DGKB: variants seen among roughly 807,000 people sequenced by gnomAD.
DGKB encodes 90 kDa diacylglycerol kinase.
Under a neutral mutation model 114.3 loss-of-function variants are expected in DGKB, and 67 were observed. That is an observed-to-expected ratio of 0.59 (90% CI 0.48 to 0.72). DGKB has a LOEUF of 0.72. Among genes scored for constraint, DGKB ranks in the 30% least tolerant of loss-of-function variants. The pLI is 0.00. For missense variants in DGKB, 907 were observed against 975.2 expected (o/e 0.93, Z 0.93); for synonymous variants, 398 against 323.1 (o/e 1.23, Z -2.49).
chr7:14,799,754 C>T (rs1167502947), intron 2 of DGKB, among the ~76,000 whole-genome samples: 1 of 152,122 alleles, frequency 6.6e-6, no homozygotes, highest in Non-Finnish European at 1.5e-5. Context: ...TAACAGAAGG[C>T]TTTGCAGCAA....
intron 6 of DGKB, among the ~76,000 whole-genome samples, chr7:14,706,992 C>T (rs913608664): frequency 6.7e-6 from 1 of 149,992 alleles, no homozygotes; most frequent in African/African-American, 2.5e-5. Context: ...GAAATAGAGA[C>T]ACAAAAAACC....
At chr7:14,838,940 TATC>T (rs1374986049) in intron 2 of DGKB, among the ~76,000 whole-genome samples, 3 of 152,164 alleles carry the variant, frequency 2.0e-5, no homozygotes, top group Non-Finnish European at 4.4e-5. Context: ...TTTTTATCCA[TATC>T]ATTTCCTTTG....
chr7:14,218,440 G>A (rs374945221), intron 23 of DGKB, among the ~76,000 whole-genome samples: 5 of 152,068 alleles, frequency 3.3e-5, no homozygotes, highest in African/African-American at 9.7e-5. Flanking sequence ...TGAAAAACTA[G>A]TGAAAACCAC....
intron 20 of DGKB, among the ~76,000 whole-genome samples, chr7:14,561,739 A>G (rs1261612989): frequency 1.3e-5 from 2 of 152,206 alleles, no homozygotes; most frequent in African/African-American, 4.8e-5. Flanking sequence ...ATATCTGAGG[A>G]AAGAAATTTC....
In DGKB at chr7:14,174,164, CG is replaced by C. The variant is rs554366079; in HGVS notation, c.2304+2674del. Among the ~76,000 whole-genome samples the C allele has an allele frequency of 2.6e-5, 4 of 152,128 alleles. No homozygotes were observed. The South Asian group carries it at 8.3e-4, about 32-fold the overall frequency. On this transcript the variant is annotated intron_variant, in intron 25 of 25. Transcript: ENST00000402815. ...CTGGAGGGAGATTTCCAGCATGCAC[CG>C]GGGCCATTTTGTGTTGAGCTTCACA...
At chr7:14,894,191 AT>A (rs1781741057) in intron 1 of DGKB, among the ~76,000 whole-genome samples, 1 of 151,462 alleles carries the variant, frequency 6.6e-6, no homozygotes, top group Non-Finnish European at 1.5e-5. Context: ...AGTTCCTAAA[AT>A]AAAAAACTGT....
intron 21 of DGKB, among the ~76,000 whole-genome samples, chr7:14,385,714 G>A (rs1406947545): frequency 6.6e-6 from 1 of 152,176 alleles, no homozygotes; most frequent in Non-Finnish European, 1.5e-5. Flanking sequence ...GCATTGAAGT[G>A]TAATTAACAA....
At chr7:14,919,105 C>A (rs1014925909) in intron 1 of DGKB, among the ~76,000 whole-genome samples, 1 of 146,652 alleles carries the variant, frequency 6.8e-6, no homozygotes, top group African/African-American at 2.5e-5. Flanking sequence ...AACACACACA[C>A]ACACACACAC....
intron 1 of DGKB, among the ~76,000 whole-genome samples, chr7:14,857,276 G>GTGTGTGTGTA (rs1850316638): frequency 6.6e-6 from 1 of 151,746 alleles, no homozygotes; most frequent in South Asian, 2.1e-4. Flanking sequence ...GTGTGTGTGT[G>GTGTGTGTGTA]TGTTGCTGGC....
chr7:14,683,708 C>G (rs906904442), intron 10 of DGKB, among the ~76,000 whole-genome samples: 18 of 151,940 alleles, frequency 1.2e-4, no homozygotes, highest in African/African-American at 3.6e-4. Flanking sequence ...AAGCAAAAAA[C>G]TAACCACTGC....
intron 2 of DGKB, among the ~76,000 whole-genome samples, chr7:14,821,718 T>C (rs1015088291): frequency 2.6e-5 from 4 of 152,068 alleles, no homozygotes; most frequent in African/African-American, 9.7e-5. Flanking sequence ...GACATCAAGA[T>C]TTTAGGCAGG....
rs781569705 is a variant in DGKB at position 14,265,318 on chromosome 7, C to CTTT, written c.2122+73194_2122+73196dup. 1.2e-3 allele frequency among the ~76,000 whole-genome samples: 78 copies of CTTT among 67,722 alleles called. 11 individuals carry two copies. The East Asian group carries it at 0.03, about 26-fold the overall frequency. 44.4% of individuals were successfully genotyped at this position (67,722 alleles called of 152,430 possible). A position where few individuals can be genotyped will look rare whatever the true frequency, so the allele number is the denominator to read the frequency against. On this transcript the variant is annotated intron_variant, in intron 23 of 25. Coordinates refer to ENST00000402815, the MANE Select transcript of DGKB (RefSeq NM_001350709.2). ...GGACTGCTGTCTTTTCTCTTGCATT[C>CTTT]TTTTTTTTTTTTTTTTTTTTGCTTA... is the stretch of plus-strand genomic sequence containing the variant.
rs191970036 is a variant in DGKB at position 14,603,729 on chromosome 7, C to T, written c.1433+3705G>A. Among the ~76,000 whole-genome samples, 671 of 152,170 alleles carry T rather than the reference C, an allele frequency of 4.4e-3. 4 individuals are homozygous for T. The highest frequency in any genetic ancestry group is 7.9e-3 in the Non-Finnish European group (539 of 67,940). Reference sequence around the variant, plus strand: ...GATTTCTAAGAGCAGCTTTCTCACACACAATTAATTATTCTTAATTATCCT... The same window carrying T: ...GATTTCTAAGAGCAGCTTTCTCACATACAATTAATTATTCTTAATTATCCT... On this transcript the variant is annotated intron_variant, in intron 17 of 25. Transcript: ENST00000402815.
intron 21 of DGKB, among the ~76,000 whole-genome samples, chr7:14,402,147 C>T (rs1583665653): frequency 6.6e-6 from 1 of 151,498 alleles, no homozygotes; most frequent in African/African-American, 2.4e-5. Context: ...TGAGATAGAT[C>T]TATTTCATTT....
chr7:14,332,865 A>G (rs548492335), intron 23 of DGKB, among the ~76,000 whole-genome samples: 2 of 152,252 alleles, frequency 1.3e-5, no homozygotes, highest in South Asian at 4.1e-4. Flanking sequence ...TAGTTTTTAA[A>G]TAAACTTTTG....
rs59367496 is a variant in DGKB at position 14,845,106 on chromosome 7, CAAAAAAAAAAAAAAAAA to C, written c.-187-3673_-187-3657del. Among the ~76,000 whole-genome samples, 450 of 89,244 alleles carry C rather than the reference CAAAAAAAAAAAAAAAAA, an allele frequency of 5.0e-3. 3 individuals carry two copies. Among genetic ancestry groups the C allele is most frequent in the African/African-American group, 0.015 (349 of 23,020 alleles). The allele number at this position is 89,244 out of a possible 152,430, so 58.5% of individuals were successfully genotyped here. A position where few individuals can be genotyped will look rare whatever the true frequency, so the allele number is the denominator to read the frequency against. ...TCAGTGACAGAGCAAGGCCCTGTGT[CAAAAAAAAAAAAAAAAA>C]AAAAAAAAAAAAAAAAGAAAGAAAG... On this transcript the variant is annotated intron_variant, in intron 1 of 25. Transcript: ENST00000402815.
intron 13 of DGKB, among the ~76,000 whole-genome samples, chr7:14,643,349 T>C (rs1812206729): frequency 1.0e-5 from 1 of 98,916 alleles, no homozygotes. Flanking sequence ...CACATGACTG[T>C]ATTGTTCCAG....
At chr7:14,827,639 A>G (rs942206073) in intron 2 of DGKB, among the ~76,000 whole-genome samples, 1 of 152,158 alleles carries the variant, frequency 6.6e-6, no homozygotes, top group African/African-American at 2.4e-5. Flanking sequence ...CTGTTACAGA[A>G]TAACTTATCC....
intron 2 of DGKB, among the ~76,000 whole-genome samples, chr7:14,766,414 T>G (rs990289421): frequency 3.3e-5 from 5 of 151,878 alleles, no homozygotes; most frequent in Non-Finnish European, 7.4e-5. Context: ...GGATATGGGT[T>G]GTGACAGTAA....
Sources: gnomAD v4.1 joint callset for allele counts (sites outside exome capture counted in the v4.1 genomes callset) on GRCh38, gnomAD v4.1.1 for gene constraint, MANE v1.5 for transcripts, NCBI Gene and HGNC (gene_info 2026-07-23, HGNC 2026-07-21) for gene names.